Variants in SNX29 observed in about 807,000 individuals in gnomAD.
The protein encoded by SNX29 is sorting nexin-29.
Under a neutral mutation model 102.1 loss-of-function variants are expected in SNX29, and 78 were observed. That is an observed-to-expected ratio of 0.76 (90% CI 0.64 to 0.92). The LOEUF (loss-of-function observed/expected upper bound fraction) is 0.92. Ranked by LOEUF, SNX29 falls within the 40% of genes least tolerant of loss-of-function variation. The pLI is 0.00. For synonymous variants in SNX29, 580 were observed against 414.5 expected (o/e 1.40, Z -4.85); for missense variants, 1,280 against 1,061.7 (o/e 1.21, Z -2.86).
chr16:12,136,257 C>A (rs1230194200), intron 13 of SNX29, among the ~76,000 whole-genome samples: 1 of 152,202 alleles, frequency 6.6e-6, no homozygotes, highest in African/African-American at 2.4e-5. Flanking sequence ...GAACACTCTC[C>A]CTCCTTCCTC....
At chr16:12,553,677 G>A (rs1028184183) in intron 20 of SNX29, among the ~76,000 whole-genome samples, 16 of 148,792 alleles carry the variant, frequency 1.1e-4, no homozygotes, top group South Asian at 2.1e-4. Flanking sequence ...TGCAACCTCC[G>A]CCTCCTGGGT....
intron 13 of SNX29, among the ~76,000 whole-genome samples, chr16:12,154,676 T>C (rs896463481): frequency 1.3e-5 from 2 of 152,180 alleles, no homozygotes; most frequent in Non-Finnish European, 2.9e-5. Flanking sequence ...GGGTGGCTTA[T>C]AAACAACAAA....
chr16:12,342,019 G>C (rs950827393), intron 15 of SNX29, among the ~76,000 whole-genome samples: 1 of 152,202 alleles, frequency 6.6e-6, no homozygotes, highest in East Asian at 1.9e-4. Context: ...TGCTGAGAAC[G>C]TGAACTCTTT....
At chr16:12,397,899 G>T (rs2083777046) in intron 16 of SNX29, among the ~76,000 whole-genome samples, 1 of 152,098 alleles carries the variant, frequency 6.6e-6, no homozygotes, top group Non-Finnish European at 1.5e-5. Flanking sequence ...GGTCCACCAT[G>T]CCACACAGTT....
intron 11 of SNX29, among the ~76,000 whole-genome samples, chr16:12,082,574 A>G (rs2051958346): frequency 6.6e-6 from 1 of 152,186 alleles, no homozygotes. Flanking sequence ...ATTTTTTAGA[A>G]ACTATATCAT....
chr16:12,528,477 G>C (rs1369248977), intron 20 of SNX29, among the ~76,000 whole-genome samples: 1 of 152,188 alleles, frequency 6.6e-6, no homozygotes, highest in Non-Finnish European at 1.5e-5. Context: ...TGCAATTACA[G>C]GTGTGAGCCA....
chr16:12,508,831 A>G (rs532652664), intron 19 of SNX29, among the ~76,000 whole-genome samples: 2 of 152,064 alleles, frequency 1.3e-5, no homozygotes, highest in South Asian at 4.2e-4. Flanking sequence ...GCCATGTCCT[A>G]CCCTGAGGGA....
chr16:12,218,327 C>T (rs532407491), intron 14 of SNX29, among the ~76,000 whole-genome samples: 2 of 152,322 alleles, frequency 1.3e-5, no homozygotes, highest in South Asian at 2.1e-4. Context: ...ATCTACTCCA[C>T]AAACAAACGT....
intron 1 of SNX29, among the ~76,000 whole-genome samples, chr16:11,979,672 C>A (rs755491025): frequency 1.3e-5 from 2 of 152,206 alleles, no homozygotes; most frequent in Non-Finnish European, 2.9e-5. Flanking sequence ...CAACCTTCGC[C>A]TCCTGGGTTC....
Position 12,571,486 on chromosome 16 carries a change from G to T in SNX29, c.*2857G>T, listed in dbSNP as rs2079186561. ...GAAGCCCCCTCCCCTACTCAGAGAG[G>T]AACGAGGGTGGCCCACCTCTCAAGG... On this transcript the variant is annotated 3_prime_UTR_variant, in exon 21 of 21. Coordinates refer to ENST00000566228, the MANE Select transcript of SNX29 (RefSeq NM_032167.5). The T allele has an allele frequency of 3.2e-6, 1 of 310,340 alleles. No individual in the cohort carries two copies. The highest frequency in any genetic ancestry group is 5.3e-6 in the Non-Finnish European group (1 of 189,014). 19.2% of individuals were successfully genotyped at this position (310,340 alleles called of 1,614,324 possible).
chr16:12,063,501 A>G (rs1419026297), intron 9 of SNX29, among the ~76,000 whole-genome samples: 2 of 149,304 alleles, frequency 1.3e-5, no homozygotes, highest in African/African-American at 2.5e-5. Flanking sequence ...CAGCTTCCAG[A>G]TTAGCTGGGA....
intron 1 of SNX29, among the ~76,000 whole-genome samples, chr16:11,981,315 G>T (rs912724343): frequency 4.6e-5 from 7 of 151,966 alleles, no homozygotes; most frequent in Admixed American, 1.3e-4. Context: ...ATGCTGGCCA[G>T]CTGGTCTCCA....
intron 6 of SNX29, among the ~76,000 whole-genome samples, chr16:12,047,663 T>C (rs2050141791): frequency 6.7e-6 from 1 of 150,364 alleles, no homozygotes; most frequent in Admixed American, 6.6e-5. Flanking sequence ...TTTTTTTTTT[T>C]TTTTTTTTTT....
At chr16:12,233,961 A>G (rs1029307475) in intron 14 of SNX29, among the ~76,000 whole-genome samples, 4 of 152,080 alleles carry the variant, frequency 2.6e-5, no homozygotes, top group Admixed American at 1.3e-4. Context: ...GCTAAAACAG[A>G]TTTTACTATA....
At chr16:12,214,725 GT>G (rs1472429175) in intron 14 of SNX29, among the ~76,000 whole-genome samples, 1 of 152,016 alleles carries the variant, frequency 6.6e-6, no homozygotes, top group Non-Finnish European at 1.5e-5. Context: ...TCCCTGTGGG[GT>G]GCCTTCTATT....
chr16:12,264,649 G>A (rs959277524), intron 14 of SNX29, among the ~76,000 whole-genome samples: 3 of 152,034 alleles, frequency 2.0e-5, no homozygotes, highest in Non-Finnish European at 2.9e-5. Context: ...GGACGTGATA[G>A]CAAGTGCCTG....
At chr16:12,259,681 T>C (rs1465842621) in intron 14 of SNX29, among the ~76,000 whole-genome samples, 2 of 152,214 alleles carry the variant, frequency 1.3e-5, no homozygotes, top group Non-Finnish European at 2.9e-5. Flanking sequence ...AACTGTAAGG[T>C]ACATCAAAAT....
intron 16 of SNX29, among the ~76,000 whole-genome samples, chr16:12,395,946 G>A (rs1228897436): frequency 1.3e-5 from 2 of 152,310 alleles, no homozygotes; most frequent in South Asian, 2.1e-4. Context: ...TACAGTGCCT[G>A]GCCTTGTTAT....
chr16:12,476,429 T>TATATATATATATATATAC (rs2087651927), intron 18 of SNX29, among the ~76,000 whole-genome samples: 2 of 88,572 alleles, frequency 2.3e-5, no homozygotes, highest in African/African-American at 8.8e-5. Flanking sequence ...TATATATATA[T>TATATATATATATATATAC]ATATATATAT....
Sources: allele counts gnomAD v4.1 joint callset (sites outside exome capture counted in the v4.1 genomes callset), GRCh38; gene constraint gnomAD v4.1.1; transcripts MANE v1.5; gene names NCBI Gene and HGNC (gene_info 2026-07-23, HGNC 2026-07-21).